NIF3L1: variants seen among roughly 807,000 people sequenced by gnomAD.
The protein encoded by NIF3L1 is NGG1 interacting factor 3 like 1.
In NIF3L1, 26 loss-of-function variants were observed where a neutral mutation model predicts 35.0. The ratio of observed to expected loss-of-function variants is 0.74; its 90% CI spans 0.54 to 1.03. The LOEUF is 1.03. Among genes scored for constraint, NIF3L1 ranks in the 50% least tolerant of loss-of-function variants. The pLI is 0.00. For synonymous variants in NIF3L1, 157 were observed against 178.9 expected (o/e 0.88, Z 0.98); for missense variants, 449 against 466.3 (o/e 0.96, Z 0.34).
chr2:200,902,346 T>C (rs1438608891), intron 6 of NIF3L1, among the ~76,000 whole-genome samples: 2 of 152,174 alleles, frequency 1.3e-5, no homozygotes, highest in Non-Finnish European at 2.9e-5. Flanking sequence ...GGCGGGCAGA[T>C]CACTTGAGCC....
intron 6 of NIF3L1, among the ~76,000 whole-genome samples, chr2:200,901,581 C>A (rs935841930): frequency 2.0e-5 from 3 of 152,144 alleles, no homozygotes. Context: ...TGTGAAGCCC[C>A]ACCTAAAGGA....
chr2:200,900,120 C>G (rs926682831), intron 6 of NIF3L1, among the ~76,000 whole-genome samples: 1 of 152,262 alleles, frequency 6.6e-6, no homozygotes, highest in African/African-American at 2.4e-5. Context: ...CTCTGAGAAG[C>G]CTTCTCTGAC....
chr2:200,890,008 T>G (rs2040136901), intron 1 of NIF3L1, among the ~76,000 whole-genome samples: 1 of 152,200 alleles, frequency 6.6e-6, no homozygotes, highest in Non-Finnish European at 1.5e-5. Context: ...GGTTTCACTT[T>G]CGAGCTTGCC....
intron 6 of NIF3L1, among the ~76,000 whole-genome samples, chr2:200,903,056 C>A (rs1255663041): frequency 6.6e-6 from 1 of 152,210 alleles, no homozygotes; most frequent in East Asian, 1.9e-4. Flanking sequence ...GGCTGAAGTG[C>A]AGTGGTGCAG....
chr2:200,897,339 C>A, intron 5 of NIF3L1, 125 bp downstream of exon 5: 2 of 1,046,410 alleles, frequency 1.9e-6, no homozygotes, highest in Non-Finnish European at 2.7e-6. Context: ...AATTGGTTTA[C>A]GTTATTGATT....
chr2:200,902,349 C>G (rs2040421604), intron 6 of NIF3L1, among the ~76,000 whole-genome samples: 1 of 152,166 alleles, frequency 6.6e-6, no homozygotes, highest in Non-Finnish European at 1.5e-5. Context: ...GGGCAGATCA[C>G]TTGAGCCCAG....
At position 200,892,016 on chromosome 2, in the gene NIF3L1, C is replaced by G; in HGVS notation, c.73C>G (p.Arg25Gly). The change falls in exon 2 of 7, where the codon CGT becomes GGT. Residue 25 changes from arginine (R) to glycine (G), a missense_variant. Transcript: ENST00000409020. Reference protein sequence around the residue: ...FVDSLICNSSRSFMDLKALLS... With the variant: ...FVDSLICNSSGSFMDLKALLS... ...AGATTCCCTGATCTGCAATTCTTCC[C>G]GTTCCTTCATGGATTTGAAGGCTCT... is the stretch of plus-strand genomic sequence containing the variant. The G allele has an allele frequency of 6.2e-7, 1 of 1,614,140 alleles. No individual in the cohort carries two copies. The highest frequency in any genetic ancestry group is 8.5e-7 in the Non-Finnish European group (1 of 1,179,984).
chr2:200,895,473 TAGGTATATTG>T, intron 4 of NIF3L1, 83 bp downstream of exon 4: 1 of 1,398,192 alleles, frequency 7.2e-7, no homozygotes, highest in Non-Finnish European at 1.0e-6. Flanking sequence ...TTGATATACT[TAGGTATATTG>T]AGGTATACCT....
In NIF3L1 at chr2:200,892,201, A is replaced by G. The variant is rs750992061; in HGVS notation, c.258A>G (p.Ala86=). The G allele has an allele frequency of 1.9e-6, 3 of 1,614,244 alleles. No homozygotes were observed. Among genetic ancestry groups the G allele is most frequent in the South Asian group, 1.1e-5 (1 of 91,086 alleles). Residue 86 remains alanine, a synonymous_variant, in exon 2 of 7, where the codon GCA becomes GCG. Coordinates refer to ENST00000409020, the MANE Select transcript of NIF3L1 (RefSeq NM_001369441.2). ...TGGAGGAGGTGCTGCAAAAGAAGGC[A>G]GACCTCATTCTCTCCTACCATCCGC... ...EVMEEVLQKK[A]DLILSYHPPI...
Position 200,903,798 on chromosome 2 carries a change from C to A in NIF3L1, c.*120C>A. On this transcript the variant is annotated 3_prime_UTR_variant, in exon 7 of 7. Transcript: ENST00000409020. ...GTGTCTTCGAGGGTATCATCATTTC[C>A]GGTTTGTTAATCTTATTCACCAAAT... The A allele has an allele frequency of 1.3e-6, 1 of 799,650 alleles. No individual in the cohort carries two copies. 49.5% of individuals were successfully genotyped at this position (799,650 alleles called of 1,614,324 possible). A position where few individuals can be genotyped will look rare whatever the true frequency, so the allele number is the denominator to read the frequency against.
At chr2:200,900,034 C>T (rs985821290) in intron 6 of NIF3L1, among the ~76,000 whole-genome samples, 3 of 152,132 alleles carry the variant, frequency 2.0e-5, no homozygotes, top group African/African-American at 7.2e-5. Context: ...ATCCCCTTTC[C>T]TGTACCCTTT....
At position 200,891,977 on chromosome 2, in the gene NIF3L1, A is replaced by G; in HGVS notation, c.34A>G (p.Thr12Ala). Residue 12 changes from threonine (T) to alanine (A), a missense_variant, in exon 2 of 7, where the codon ACA (threonine) becomes GCA (alanine). Thr to Ala is a moderately conservative substitution (Grantham distance 58, BLOSUM62 0). Coordinates refer to ENST00000409020, the MANE Select transcript of NIF3L1 (RefSeq NM_001369441.2). The part of the protein sequence containing the change: ...LSSCVRPVPT[T>A]VRFVDSLICN... The stretch of plus-strand genomic sequence containing the variant: ...ATCTTGCGTACGCCCAGTCCCCACG[A>G]CAGTCCGGTTTGTAGATTCCCTGAT... 1 of 1,613,808 alleles carries G rather than the reference A, an allele frequency of 6.2e-7. No individual in the cohort carries two copies. The highest frequency in any genetic ancestry group is 8.5e-7 in the Non-Finnish European group (1 of 1,179,822).
At chr2:200,898,198 G>A (rs1160226690) in intron 5 of NIF3L1, among the ~76,000 whole-genome samples, 1 of 152,142 alleles carries the variant, frequency 6.6e-6, no homozygotes, top group Admixed American at 6.5e-5. Context: ...TCGTTCTCAC[G>A]CTGCTATGAA....
In NIF3L1 at chr2:200,897,232, A is replaced by G; in HGVS notation, c.865+18A>G. 1 of 1,612,056 alleles carries G rather than the reference A, an allele frequency of 6.2e-7. No individual in the cohort carries two copies. The highest frequency in any genetic ancestry group is 8.5e-7 in the Non-Finnish European group (1 of 1,178,938). ...AACCTTAGGTAAATATAGCTCCTTC[A>G]TCTATCCAGTATGCCTACTGTTAAC... is the stretch of plus-strand genomic sequence containing the variant. On this transcript the variant is annotated intron_variant, in intron 5 of 6. Coordinates refer to ENST00000409020, the MANE Select transcript of NIF3L1 (RefSeq NM_001369441.2).
intron 1 of NIF3L1, 112 bp from the exon 2 acceptor site, chr2:200,891,806 C>G: frequency 1.5e-6 from 1 of 661,504 alleles, no homozygotes; most frequent in Non-Finnish European, 2.6e-6. Context: ...GGCAGAGCCA[C>G]TATTTGAACC....
intron 1 of NIF3L1, among the ~76,000 whole-genome samples, chr2:200,889,937 G>A (rs1223619065): frequency 6.6e-6 from 1 of 152,198 alleles, no homozygotes; most frequent in Non-Finnish European, 1.5e-5. Flanking sequence ...TGGCCATGTA[G>A]CTTCGCAGTT....
intron 2 of NIF3L1, 70 bp downstream of exon 2, chr2:200,892,449 A>G: frequency 1.5e-6 from 2 of 1,294,778 alleles, no homozygotes; most frequent in South Asian, 3.0e-5. Flanking sequence ...TCTTTCCAGT[A>G]AAGTTTTAAC....
chr2:200,891,326 C>T (rs1007005489), intron 1 of NIF3L1, among the ~76,000 whole-genome samples: 3 of 152,112 alleles, frequency 2.0e-5, no homozygotes, highest in Non-Finnish European at 2.9e-5. Flanking sequence ...TCAGGGGAGG[C>T]GGGCAGTGTC....
chr2:200,889,743 T>G (rs1195823877), intron 1 of NIF3L1, 91 bp downstream of exon 1: 3 of 152,378 alleles, frequency 2.0e-5, no homozygotes, highest in African/African-American at 4.8e-5. Context: ...CGGGAGTTGT[T>G]TCCAGCTTTA....
Sources: allele counts gnomAD v4.1 joint callset (sites outside exome capture counted in the v4.1 genomes callset), GRCh38; gene constraint gnomAD v4.1.1; transcripts MANE v1.5; gene names NCBI Gene and HGNC (gene_info 2026-07-23, HGNC 2026-07-21).